The following CNTN5 variants were observed in gnomAD, a reference collection of about 807,000 sequenced individuals.
The protein encoded by CNTN5 is contactin-5.
Under a neutral mutation model 129.1 loss-of-function variants are expected in CNTN5, and 77 were observed. That is an observed-to-expected ratio of 0.60 (90% CI 0.50 to 0.72). CNTN5 has a LOEUF of 0.72. CNTN5 is among the 30% of genes least tolerant of loss of function. The probability of loss-of-function intolerance (pLI) is 0.00; values close to 1 mark genes in which losing one functional copy is unlikely to be tolerated. For synonymous variants in CNTN5, 509 were observed against 465.6 expected (o/e 1.09, Z -1.20); for missense variants, 1,478 against 1,328.8 (o/e 1.11, Z -1.75).
intron 9 of CNTN5, among the ~76,000 whole-genome samples, chr11:100,029,592 A>C (rs1369082747): frequency 6.6e-6 from 1 of 152,160 alleles, no homozygotes; most frequent in Non-Finnish European, 1.5e-5. Flanking sequence ...AAAAAAAAGA[A>C]AAAACATGCT....
At chr11:99,908,349 C>T (rs184692108) in intron 6 of CNTN5, among the ~76,000 whole-genome samples, 1 of 152,132 alleles carries the variant, frequency 6.6e-6, no homozygotes, top group East Asian at 1.9e-4. Flanking sequence ...AATTGCTATA[C>T]TAAACGATTT....
intron 1 of CNTN5, among the ~76,000 whole-genome samples, chr11:99,121,768 A>G (rs929534702): frequency 7.2e-5 from 11 of 152,154 alleles, no homozygotes; most frequent in Admixed American, 1.3e-4. Flanking sequence ...AATGGTGGGT[A>G]TCTTATTTCA....
intron 21 of CNTN5, among the ~76,000 whole-genome samples, chr11:100,318,656 G>GA (rs1321344325): frequency 6.6e-6 from 1 of 152,058 alleles, no homozygotes; most frequent in Admixed American, 6.5e-5. Flanking sequence ...TCTAAATTGT[G>GA]AAAAAATCTT....
chr11:99,607,370 A>G (rs1284480962), intron 3 of CNTN5, among the ~76,000 whole-genome samples: 1 of 148,486 alleles, frequency 6.7e-6, no homozygotes, highest in Non-Finnish European at 1.5e-5. Flanking sequence ...ACTGGCCATC[A>G]GAGAAATGCA....
At chr11:100,158,834 T>C (rs1250820431) in intron 13 of CNTN5, among the ~76,000 whole-genome samples, 1 of 151,842 alleles carries the variant, frequency 6.6e-6, no homozygotes, top group East Asian at 1.9e-4. Flanking sequence ...TTTATGCAAA[T>C]ATACCACTAA....
intron 2 of CNTN5, among the ~76,000 whole-genome samples, chr11:99,463,443 G>GAAAAAAA (rs66933434): frequency 7.9e-6 from 1 of 126,890 alleles, no homozygotes; most frequent in Non-Finnish European, 1.6e-5. Context: ...GTCTCAAAAA[G>GAAAAAAA]AAAAAAAAAA....
At chr11:99,072,947 C>T (rs533997201) in intron 1 of CNTN5, among the ~76,000 whole-genome samples, 1 of 152,112 alleles carries the variant, frequency 6.6e-6, no homozygotes, top group African/African-American at 2.4e-5. Flanking sequence ...ATTAGTTTTG[C>T]CTGTTTTTGA....
chr11:99,860,749 A>G lies in CNTN5; in HGVS notation c.577+15487A>G, dbSNP rs1427985885. ...GTACTGTGATACCTCCAGCTTTGTT[A>G]TTTTTGCTCAGGATTGCTTCGGCTA... On this transcript the variant is annotated intron_variant, in intron 6 of 24. Coordinates refer to ENST00000524871, the MANE Select transcript of CNTN5 (RefSeq NM_014361.4). Among the ~76,000 whole-genome samples the G allele has an allele frequency of 2.0e-5, 3 of 151,574 alleles. 1 individual carries two copies. Among genetic ancestry groups the G allele is most frequent in the Admixed American group, 2.0e-4 (3 of 15,198 alleles).
chr11:99,134,155 G>GA (rs1859100639), intron 1 of CNTN5, among the ~76,000 whole-genome samples: 1 of 152,154 alleles, frequency 6.6e-6, no homozygotes, highest in South Asian at 2.1e-4. Context: ...CTCAGGGACA[G>GA]AAAACCACAC....
chr11:100,112,823 A>G (rs1333425414), intron 13 of CNTN5, among the ~76,000 whole-genome samples: 1 of 152,174 alleles, frequency 6.6e-6, no homozygotes, highest in Non-Finnish European at 1.5e-5. Flanking sequence ...ATATAATTGA[A>G]GAGGGAAGAG....
At position 99,040,837 on chromosome 11, in the gene CNTN5, A is replaced by G. The variant is rs187838435; in HGVS notation, c.-210+19567A>G. Among the ~76,000 whole-genome samples, 448 of 152,254 alleles carry G rather than the reference A, an allele frequency of 2.9e-3. 2 individuals are homozygous for G. The highest frequency in any genetic ancestry group is 3.2e-3 in the Non-Finnish European group (215 of 67,958). On this transcript the variant is annotated intron_variant, in intron 1 of 24. Coordinates refer to ENST00000524871, the MANE Select transcript of CNTN5 (RefSeq NM_014361.4). ...ATGCTTTCAGCTACCTTTTACGGTG[A>G]AAGAAGAGAAAGAGTTGTCATAAAT...
chr11:99,639,659 G>A (rs1312091397), intron 3 of CNTN5, among the ~76,000 whole-genome samples: 1 of 140,380 alleles, frequency 7.1e-6, no homozygotes, highest in African/African-American at 2.6e-5. Context: ...CTGCCTCCTG[G>A]GTTCAAGCGA....
intron 1 of CNTN5, among the ~76,000 whole-genome samples, chr11:99,096,674 T>A (rs1298401028): frequency 6.6e-6 from 1 of 151,838 alleles, no homozygotes. Flanking sequence ...ATTTTTTATA[T>A]CTTCTTTACT....
chr11:99,145,943 A>AT (rs754862640), intron 1 of CNTN5, among the ~76,000 whole-genome samples: 371 of 149,218 alleles, frequency 2.5e-3, no homozygotes, highest in African/African-American at 3.4e-3. Flanking sequence ...AAGTATGTTG[A>AT]TTTTTTTTTT....
chr11:99,840,635 G>A (rs145154974), intron 4 of CNTN5, among the ~76,000 whole-genome samples: 1 of 152,152 alleles, frequency 6.6e-6, no homozygotes, highest in East Asian at 1.9e-4. Context: ...ATCTGATAGA[G>A]GAAAAAAACA....
At chr11:99,171,546 T>C (rs1486744487) in intron 1 of CNTN5, among the ~76,000 whole-genome samples, 2 of 152,198 alleles carry the variant, frequency 1.3e-5, no homozygotes, top group Non-Finnish European at 2.9e-5. Flanking sequence ...CTCTATGTCC[T>C]GTTTCCTTGT....
Position 99,784,795 on chromosome 11 carries a change from G to GTTT in CNTN5, c.56-34729_56-34727dup, listed in dbSNP as rs55715264. ...CTGGTGTGAGATGGTATCTCATTGT[G>GTTT]TTTTTTTTTTTTTTTTTTTTTTGAG... On this transcript the variant is annotated intron_variant, in intron 3 of 24. Coordinates refer to ENST00000524871, the MANE Select transcript of CNTN5 (RefSeq NM_014361.4). Among the ~76,000 whole-genome samples, 683 of 93,632 alleles carry GTTT rather than the reference G, an allele frequency of 7.3e-3. 2 individuals are homozygous for GTTT. Among genetic ancestry groups the GTTT allele is most frequent in the Middle Eastern group, 0.018 (2 of 114 alleles). 61.4% of individuals were successfully genotyped at this position (93,632 alleles called of 152,430 possible).
intron 13 of CNTN5, among the ~76,000 whole-genome samples, chr11:100,124,862 C>G (rs1331943695): frequency 1.3e-5 from 2 of 152,048 alleles, no homozygotes; most frequent in Admixed American, 1.3e-4. Flanking sequence ...AACCAAGGTT[C>G]TTCACATGTA....
intron 9 of CNTN5, among the ~76,000 whole-genome samples, chr11:100,028,910 G>A (rs1591081890): frequency 6.6e-6 from 1 of 152,174 alleles, no homozygotes; most frequent in East Asian, 1.9e-4. Context: ...TTACTTACTA[G>A]GTCTAGGGTG....
Sources: gnomAD v4.1 joint callset for allele counts (sites outside exome capture counted in the v4.1 genomes callset) on GRCh38, gnomAD v4.1.1 for gene constraint, MANE v1.5 for transcripts, NCBI Gene and HGNC (gene_info 2026-07-23, HGNC 2026-07-21) for gene names.